Variants in CDH7 observed in about 807,000 individuals in gnomAD.
CDH7 encodes cadherin 7, also known as cadherin-7.
CDH7 carries 25 observed loss-of-function variants against 71.8 expected under a neutral mutation model. That is an observed-to-expected ratio of 0.35 (90% CI 0.25 to 0.49). The LOEUF is 0.49. Ranked by LOEUF, CDH7 falls within the 20% of genes least tolerant of loss-of-function variation. The pLI, the probability that CDH7 is intolerant of heterozygous loss-of-function variation, is 0.99. For synonymous variants in CDH7, 381 were observed against 363.8 expected, an observed-to-expected ratio of 1.05 and a Z score of -0.54; for missense variants, 862 against 974.6, an observed-to-expected ratio of 0.88 and a Z score of 1.54.
chr18:65,839,855 C>G (rs914975016), intron 6 of CDH7, among the ~76,000 whole-genome samples: 2 of 152,072 alleles, frequency 1.3e-5, no homozygotes, highest in Non-Finnish European at 2.9e-5. Flanking sequence ...GTTAGCCTTA[C>G]CATATTGGGC....
At chr18:65,766,998 C>T (rs879450397) in intron 2 of CDH7, among the ~76,000 whole-genome samples, 2 of 151,266 alleles carry the variant, frequency 1.3e-5, no homozygotes, top group Non-Finnish European at 2.9e-5. Flanking sequence ...GGATGCCAGC[C>T]GATCGCTGTG....
At chr18:65,836,618 A>G (rs1423762222) in intron 6 of CDH7, among the ~76,000 whole-genome samples, 1 of 152,092 alleles carries the variant, frequency 6.6e-6, no homozygotes, top group Non-Finnish European at 1.5e-5. Flanking sequence ...TACTGGTAAT[A>G]ATCCATTTGC....
chr18:65,849,399 CT>C (rs774511000), intron 7 of CDH7, among the ~76,000 whole-genome samples: 64 of 105,556 alleles, frequency 6.1e-4, no homozygotes, highest in African/African-American at 2.0e-3. Flanking sequence ...CTTTTCTTTT[CT>C]TTTCTTTTCT....
chr18:65,787,342 G>C (rs960864465), intron 2 of CDH7, among the ~76,000 whole-genome samples: 2 of 152,160 alleles, frequency 1.3e-5, no homozygotes, highest in African/African-American at 4.8e-5. Flanking sequence ...TTCTGTTGCT[G>C]CCATAGTTGG....
intron 2 of CDH7, among the ~76,000 whole-genome samples, chr18:65,800,046 A>C (rs1448490755): frequency 6.6e-6 from 1 of 152,118 alleles, no homozygotes; most frequent in Non-Finnish European, 1.5e-5. Context: ...AAACAGATTA[A>C]ATTTTATGTA....
intron 7 of CDH7, among the ~76,000 whole-genome samples, chr18:65,848,160 A>G (rs561292053): frequency 1.5e-4 from 23 of 152,178 alleles, no homozygotes; most frequent in Admixed American, 7.9e-4. Context: ...AGTGATAGAA[A>G]CTTCACTTCT....
intron 2 of CDH7, among the ~76,000 whole-genome samples, chr18:65,767,260 A>C (rs1916406647): frequency 6.6e-6 from 1 of 152,156 alleles, no homozygotes; most frequent in African/African-American, 2.4e-5. Context: ...AATGCATTTA[A>C]TTATACCTCA....
intron 2 of CDH7, among the ~76,000 whole-genome samples, chr18:65,771,407 A>AG (rs1916538015): frequency 6.6e-6 from 1 of 152,112 alleles, no homozygotes; most frequent in African/African-American, 2.4e-5. Flanking sequence ...TGAGAGGCTG[A>AG]GATGTGTGGA....
intron 1 of CDH7, among the ~76,000 whole-genome samples, chr18:65,760,548 A>T (rs1398688160): frequency 6.6e-6 from 1 of 152,208 alleles, no homozygotes; most frequent in Non-Finnish European, 1.5e-5. Context: ...AAACTATATT[A>T]TCAGGAGCCA....
chr18:65,790,663 G>A (rs1910681389), intron 2 of CDH7, among the ~76,000 whole-genome samples: 1 of 152,180 alleles, frequency 6.6e-6, no homozygotes, highest in South Asian at 2.1e-4. Context: ...GAGGTCAGGA[G>A]TCCAAGACCA....
In CDH7 at chr18:65,778,360, A is replaced by G. The variant is rs140146105; in HGVS notation, c.210+15308A>G. Among the ~76,000 whole-genome samples the G allele has an allele frequency of 2.6e-3, 398 of 151,560 alleles. 5 individuals carry two copies. Among genetic ancestry groups the G allele is most frequent in the African/African-American group, 9.3e-3 (385 of 41,430 alleles). The stretch of plus-strand genomic sequence containing the variant: ...CTGAATTCCTACAGAATTGTAGAAC[A>G]TGATGGGCTAAATTACAAAACCAAA... On this transcript the variant is annotated intron_variant, in intron 2 of 11. Transcript: ENST00000397968.
intron 11 of CDH7, among the ~76,000 whole-genome samples, chr18:65,864,889 TAA>T (rs1191269381): frequency 0.066 from 5,697 of 85,742 alleles, 164 homozygotes; most frequent in African/African-American, 0.088. Context: ...AGACTCCATC[TAA>T]AAAAAAAAAA....
At chr18:65,763,180 T>C in intron 2 of CDH7, 128 bp downstream of exon 2, 1 of 506,318 alleles carries the variant, frequency 2.0e-6, no homozygotes, top group Non-Finnish European at 3.3e-6. Flanking sequence ...ACATCATTTC[T>C]ATGAAAGAGT....
At chr18:65,862,439 CTATT>C (rs1471657734) in intron 10 of CDH7, among the ~76,000 whole-genome samples, 1 of 152,112 alleles carries the variant, frequency 6.6e-6, no homozygotes, top group Non-Finnish European at 1.5e-5. Flanking sequence ...TACTTTATAA[CTATT>C]TCTTTTGTTA....
intron 2 of CDH7, among the ~76,000 whole-genome samples, chr18:65,764,374 A>G (rs1916291388): frequency 6.6e-6 from 1 of 152,028 alleles, no homozygotes; most frequent in South Asian, 2.1e-4. Context: ...TGGTCCAGTT[A>G]CAGCATTTTC....
intron 2 of CDH7, among the ~76,000 whole-genome samples, chr18:65,794,273 G>C (rs2143865345): frequency 6.6e-6 from 1 of 152,098 alleles, no homozygotes; most frequent in South Asian, 2.1e-4. Flanking sequence ...CTTTAATGTG[G>C]AAAGTTGTAG....
intron 6 of CDH7, among the ~76,000 whole-genome samples, chr18:65,826,514 T>G (rs987459277): frequency 6.6e-6 from 1 of 150,572 alleles, no homozygotes; most frequent in Non-Finnish European, 1.5e-5. Context: ...TGGAAAATTT[T>G]TATTCAAAAA....
chr18:65,871,619 G>A (rs4124017), intron 11 of CDH7, among the ~76,000 whole-genome samples: 94,464 of 151,956 alleles, frequency 0.62, 31,807 homozygotes, highest in East Asian at 0.92. Flanking sequence ...GGAGTTTCTG[G>A]TTTGGGTATT....
chr18:65,846,469 C>A (rs1374428870), intron 7 of CDH7, among the ~76,000 whole-genome samples: 2 of 152,196 alleles, frequency 1.3e-5, no homozygotes, highest in Non-Finnish European at 1.5e-5. Context: ...ATGAATATTT[C>A]TTTTGCATTT....
Sources: allele counts gnomAD v4.1 joint callset (sites outside exome capture counted in the v4.1 genomes callset), GRCh38; gene constraint gnomAD v4.1.1; transcripts MANE v1.5; gene names NCBI Gene and HGNC (gene_info 2026-07-23, HGNC 2026-07-21).